Variants in SPATA22 observed in about 807,000 individuals in gnomAD.
SPATA22 encodes the protein spermatogenesis-associated protein 22.
A neutral mutation model predicts 47.8 loss-of-function variants in SPATA22; 29 were observed. The observed-to-expected ratio is 0.61, with a 90% CI of 0.45 to 0.83. The LOEUF is 0.83. Ranked by LOEUF, SPATA22 falls within the 40% of genes least tolerant of loss-of-function variation. The probability of loss-of-function intolerance (pLI) is 0.00; values close to 1 mark genes in which losing one functional copy is unlikely to be tolerated. For missense variants in SPATA22, 410 were observed against 421.7 expected (o/e 0.97, Z 0.24); for synonymous variants, 133 against 140.9 (o/e 0.94, Z 0.40).
At chr17:3,461,219 T>C (rs1015905838) in intron 5 of SPATA22, among the ~76,000 whole-genome samples, 57 of 152,192 alleles carry the variant, frequency 3.7e-4, no homozygotes, top group Admixed American at 2.0e-4. Context: ...AAATTCAGAT[T>C]TAACTGGGCA....
At chr17:3,472,269 G>A (rs2073453588), upstream of SPATA22, 1 of 152,514 alleles carries the variant, frequency 6.6e-6, no homozygotes, top group South Asian at 2.1e-4. Flanking sequence ...CTGAAGCCCA[G>A]GTTCAGATGG....
At chr17:3,496,144 G>C (rs901265180) in intron 1 of SPATA22, among the ~76,000 whole-genome samples, 1 of 152,156 alleles carries the variant, frequency 6.6e-6, no homozygotes, top group East Asian at 1.9e-4. Flanking sequence ...AATAATGAAT[G>C]GCTCAGTATT....
chr17:3,458,657 A>G (rs1271015315), intron 5 of SPATA22, among the ~76,000 whole-genome samples: 2 of 151,960 alleles, frequency 1.3e-5, no homozygotes, highest in Admixed American at 6.6e-5. Flanking sequence ...AGCCTGGCCA[A>G]CATGGTGAAA....
At chr17:3,486,145 G>A (rs1448934705) in intron 1 of SPATA22, among the ~76,000 whole-genome samples, 3 of 152,096 alleles carry the variant, frequency 2.0e-5, no homozygotes, top group South Asian at 2.1e-4. Context: ...TGTTGGCCAG[G>A]CTGGTTTCGA....
chr17:3,464,897 G>T (rs2073249270), intron 3 of SPATA22, among the ~76,000 whole-genome samples: 1 of 91,914 alleles, frequency 1.1e-5, no homozygotes, highest in South Asian at 3.0e-4. Context: ...GTGGGGGGGG[G>T]TCAGCCCCCC....
intron 1 of SPATA22, among the ~76,000 whole-genome samples, chr17:3,496,799 G>T (rs537805631): frequency 6.6e-6 from 1 of 152,222 alleles, no homozygotes; most frequent in Non-Finnish European, 1.5e-5. Context: ...AGGAGCGGTG[G>T]CTCACGCCTG....
At chr17:3,465,992 A>G (rs904864396) in intron 3 of SPATA22, among the ~76,000 whole-genome samples, 11 of 151,930 alleles carry the variant, frequency 7.2e-5, no homozygotes, top group African/African-American at 2.7e-4. Context: ...TGTTTTTTAA[A>G]TGGTGGAGTA....
Position 3,440,355 on chromosome 17 carries a change from A to G in SPATA22, c.901-17T>C. The G allele has an allele frequency of 6.7e-7, 1 of 1,496,178 alleles. No individual in the cohort carries two copies. The highest frequency in any genetic ancestry group is 1.3e-5 in the South Asian group (1 of 74,586). The allele number at this position is 1,496,178 out of a possible 1,614,324, so 92.7% of individuals were successfully genotyped here. On this transcript the variant is annotated splice_polypyrimidine_tract_variant and intron_variant, in intron 8 of 8. Coordinates refer to ENST00000572969, the MANE Select transcript of SPATA22 (RefSeq NM_001170698.2). The stretch of plus-strand genomic sequence containing the variant: ...TTCACGATCCTGTTTTTCAAAAAAT[A>G]AGTATCAAAAAATAGTTATTACTTC...
intron 5 of SPATA22, among the ~76,000 whole-genome samples, chr17:3,455,878 C>A (rs1372852817): frequency 6.6e-6 from 1 of 152,006 alleles, no homozygotes; most frequent in Admixed American, 6.6e-5. Context: ...TCTAAAATTA[C>A]CTTGGGCAGT....
At chr17:3,467,341 C>A in intron 3 of SPATA22, 85 bp downstream of exon 3, 1 of 1,104,396 alleles carries the variant, frequency 9.1e-7, no homozygotes, top group Non-Finnish European at 1.3e-6. Context: ...AATAAACTTT[C>A]TATTTTCATT....
chr17:3,500,955 A>T (rs2073982821), intron 1 of SPATA22: 1 of 152,112 alleles, frequency 6.6e-6, no homozygotes, highest in Non-Finnish European at 1.5e-5. Context: ...CTTGGGAAAA[A>T]AAAAAATTCC....
intron 1 of SPATA22, among the ~76,000 whole-genome samples, chr17:3,506,220 G>A (rs2074039326): frequency 6.6e-6 from 1 of 152,176 alleles, no homozygotes; most frequent in Non-Finnish European, 1.5e-5. Flanking sequence ...GCCGATGACT[G>A]AGAGGGTCAC....
chr17:3,511,627 G>A (rs2074115231), intron 1 of SPATA22: 1 of 152,200 alleles, frequency 6.6e-6, no homozygotes, highest in African/African-American at 2.4e-5. Flanking sequence ...ACAGAAAATG[G>A]TCTTGCCAAC....
chr17:3,469,188 A>C, intron 2 of SPATA22, 95 bp downstream of exon 2: 1 of 605,070 alleles, frequency 1.7e-6, no homozygotes, highest in Non-Finnish European at 2.8e-6. Context: ...TTAACTGTTC[A>C]ATCTATTTTA....
upstream of SPATA22, among the ~76,000 whole-genome samples, chr17:3,473,741 G>A (rs573430837): frequency 8.5e-5 from 13 of 152,078 alleles, no homozygotes; most frequent in South Asian, 4.2e-4. Context: ...TAGGTGATCC[G>A]CCCACCTCGG....
chr17:3,489,216 T>A, intron 1 of SPATA22: 1 of 1,407,198 alleles, frequency 7.1e-7, no homozygotes, highest in Non-Finnish European at 1.0e-6. Context: ...AATGTGACTA[T>A]CTCTCCTTCT....
At chr17:3,494,392 T>A (rs201887670) in intron 1 of SPATA22, 1 of 1,613,020 alleles carries the variant, frequency 6.2e-7, no homozygotes. Flanking sequence ...TATAAAATTA[T>A]AGAGAAAGTT....
chr17:3,446,327 A>T, intron 7 of SPATA22, 145 bp downstream of exon 7: 1 of 621,614 alleles, frequency 1.6e-6, no homozygotes, highest in Non-Finnish European at 2.5e-6. Context: ...TACCACAGGG[A>T]CTATTATTAA....
intron 1 of SPATA22, among the ~76,000 whole-genome samples, chr17:3,484,491 C>T (rs757825375): frequency 6.6e-6 from 1 of 152,008 alleles, no homozygotes; most frequent in Non-Finnish European, 1.5e-5. Context: ...GAAGTGGGAT[C>T]CATCTTGAGG....
Sources: gnomAD v4.1 joint callset for allele counts (sites outside exome capture counted in the v4.1 genomes callset) on GRCh38, gnomAD v4.1.1 for gene constraint, MANE v1.5 for transcripts, NCBI Gene and HGNC (gene_info 2026-07-23, HGNC 2026-07-21) for gene names.